The following LARGE1 variants were observed in gnomAD, a reference collection of about 807,000 sequenced individuals.
The protein encoded by LARGE1 is LARGE xylosyl- and glucuronyltransferase 1.
LARGE1 carries 43 observed loss-of-function variants against 87.6 expected under a neutral mutation model. The observed-to-expected ratio is 0.49, with a 90% CI of 0.38 to 0.63. The LOEUF is 0.63. Ranked by LOEUF, LARGE1 falls within the 30% of genes least tolerant of loss-of-function variation. LARGE1 has a pLI of 0.00. For missense variants in LARGE1, 802 were observed against 1,000.2 expected (o/e 0.80, Z 2.67); for synonymous variants, 434 against 394.6 (o/e 1.10, Z -1.18).
At chr22:33,392,221 C>T (rs898008868) in intron 7 of LARGE1, among the ~76,000 whole-genome samples, 1 of 149,608 alleles carries the variant, frequency 6.7e-6, no homozygotes, top group African/African-American at 2.5e-5. Flanking sequence ...ACTTGGAAAA[C>T]ACACTCTTGG....
intron 6 of LARGE1, among the ~76,000 whole-genome samples, chr22:33,483,558 C>T (rs1411011590): frequency 3.3e-5 from 5 of 152,060 alleles, no homozygotes; most frequent in Non-Finnish European, 7.4e-5. Flanking sequence ...CAAACAGCAG[C>T]TCTAGGCATT....
the LARGE1 span, among the ~76,000 whole-genome samples, chr22:33,140,568 C>T: frequency 6.6e-6 from 1 of 152,206 alleles, no homozygotes. Flanking sequence ...GGCTAGAATA[C>T]AGCAGGAAGA....
At chr22:33,318,872 A>C (rs1936443988) in intron 10 of LARGE1, among the ~76,000 whole-genome samples, 1 of 152,194 alleles carries the variant, frequency 6.6e-6, no homozygotes, top group South Asian at 2.1e-4. Context: ...AGGGTTACCA[A>C]CCTAGCTGAA....
At chr22:33,849,800 C>T (rs1177836938) in intron 1 of LARGE1, among the ~76,000 whole-genome samples, 3 of 151,932 alleles carry the variant, frequency 2.0e-5, no homozygotes, top group Non-Finnish European at 4.4e-5. Context: ...GGGGTTTCAC[C>T]GTGTTGGCCA....
chr22:33,290,417 A>G (rs1405838795), intron 12 of LARGE1, among the ~76,000 whole-genome samples: 4 of 152,210 alleles, frequency 2.6e-5, no homozygotes, highest in African/African-American at 9.6e-5. Context: ...TGGTTCTGCA[A>G]TTTCCGTATC....
At chr22:33,464,870 AC>A (rs1212094166) in intron 6 of LARGE1, among the ~76,000 whole-genome samples, 1 of 142,558 alleles carries the variant, frequency 7.0e-6, no homozygotes, top group Non-Finnish European at 1.5e-5. Flanking sequence ...CTACACACAC[AC>A]TGCACACACA....
At chr22:33,391,478 G>A (rs2065519658) in intron 7 of LARGE1, among the ~76,000 whole-genome samples, 1 of 152,012 alleles carries the variant, frequency 6.6e-6, no homozygotes, top group Admixed American at 6.6e-5. Context: ...TGAAACTTAA[G>A]GATAAAAAAG....
In LARGE1 at chr22:33,310,765, T is replaced by C. The variant is rs573312362; in HGVS notation, c.1451+5320A>G. On this transcript the variant is annotated intron_variant, in intron 11 of 14. Transcript: ENST00000397394. Reference sequence around the variant, plus strand: ...TTCATAAGCCTGCAGTGCCGCTTTATAATTTTTAATTGTGGCCCGTTAAGT... The same window carrying C: ...TTCATAAGCCTGCAGTGCCGCTTTACAATTTTTAATTGTGGCCCGTTAAGT... Among the ~76,000 whole-genome samples the C allele has an allele frequency of 2.0e-5, 3 of 152,302 alleles. No individual in the cohort carries two copies. In the East Asian group the frequency reaches 5.8e-4, roughly 29 times the overall value.
exon 12 of LARGE1, chr22:33,164,200 C>G (rs578108918): frequency 6.6e-6 from 1 of 152,224 alleles, no homozygotes; most frequent in East Asian, 1.9e-4. Flanking sequence ...CAGTTTATGT[C>G]CGTTTTTATC....
chr22:33,121,256 G>T, the LARGE1 span, among the ~76,000 whole-genome samples: 1 of 152,280 alleles, frequency 6.6e-6, no homozygotes, highest in African/African-American at 2.4e-5. Flanking sequence ...CTGCCAACTG[G>T]CCTAGCTGTT....
chr22:33,625,404 C>T (rs990859748), intron 4 of LARGE1, among the ~76,000 whole-genome samples: 20 of 152,312 alleles, frequency 1.3e-4, no homozygotes, highest in East Asian at 9.7e-4. Flanking sequence ...ATTATCACTT[C>T]CAGGTAGAAG....
chr22:33,724,728 C>T (rs1004653662), intron 2 of LARGE1: 3 of 152,274 alleles, frequency 2.0e-5, no homozygotes, highest in African/African-American at 7.2e-5. Context: ...TCCATTCATT[C>T]ATTCGGCAAT....
chr22:33,119,880 G>A, the LARGE1 span, among the ~76,000 whole-genome samples: 4 of 152,108 alleles, frequency 2.6e-5, no homozygotes, highest in Non-Finnish European at 4.4e-5. Context: ...GTCTGCCAGA[G>A]CATTTTCTCT....
At chr22:33,754,571 T>C (rs1391491955) in intron 2 of LARGE1, among the ~76,000 whole-genome samples, 1 of 152,104 alleles carries the variant, frequency 6.6e-6, no homozygotes, top group Non-Finnish European at 1.5e-5. Flanking sequence ...CTCCTGACCT[T>C]GTGATCTGCC....
At chr22:33,476,702 G>T (rs187141175) in intron 6 of LARGE1, among the ~76,000 whole-genome samples, 12 of 139,288 alleles carry the variant, frequency 8.6e-5, no homozygotes, top group African/African-American at 2.5e-4. Flanking sequence ...ACTGCACCCC[G>T]CCCCCCAGCC....
intron 2 of LARGE1, among the ~76,000 whole-genome samples, chr22:33,675,348 G>A (rs1232942864): frequency 7.1e-6 from 1 of 140,490 alleles, no homozygotes; most frequent in Non-Finnish European, 1.5e-5. Context: ...GACCAAGACT[G>A]GTTCAGGAAA....
At chr22:33,346,032 G>T (rs1294655103) in intron 9 of LARGE1, among the ~76,000 whole-genome samples, 1 of 152,110 alleles carries the variant, frequency 6.6e-6, no homozygotes, top group African/African-American at 2.4e-5. Flanking sequence ...ATGACCCACA[G>T]AATAACACCT....
rs558814071 is a variant in LARGE1 at position 33,830,492 on chromosome 22, T to C, written c.-82-68934A>G. ...ATGGCCTGCCTTTGAACTCCAGCTC[T>C]GCTACTTATCAGCTGTGTGACCTTG... On this transcript the variant is annotated intron_variant, in intron 1 of 14. Transcript: ENST00000397394. Among the ~76,000 whole-genome samples, 8 of 152,350 alleles carry C rather than the reference T, an allele frequency of 5.3e-5. No individual in the cohort carries two copies. The South Asian group carries it at 1.0e-3, about 20-fold the overall frequency.
intron 2 of LARGE1, chr22:33,746,342 C>T (rs1008318559): frequency 6.6e-6 from 1 of 152,212 alleles, no homozygotes; most frequent in Non-Finnish European, 1.5e-5. Context: ...ACAATAAATG[C>T]TCCATAAATA....
Sources: gnomAD v4.1 joint callset for allele counts (sites outside exome capture counted in the v4.1 genomes callset) on GRCh38, gnomAD v4.1.1 for gene constraint, MANE v1.5 for transcripts, NCBI Gene and HGNC (gene_info 2026-07-23, HGNC 2026-07-21) for gene names.